The following MAPK10 variants were observed in gnomAD, a reference collection of about 807,000 sequenced individuals.
MAPK10 encodes the protein mitogen-activated protein kinase 10.
In MAPK10, 25 loss-of-function variants were observed where a neutral mutation model predicts 59.3. That is an observed-to-expected ratio of 0.42 (90% CI 0.31 to 0.59). The LOEUF (loss-of-function observed/expected upper bound fraction) is 0.59. MAPK10 is among the 20% of genes least tolerant of loss of function. The pLI is 0.15. For synonymous variants in MAPK10, 190 were observed against 200.5 expected (o/e 0.95, Z 0.44); for missense variants, 351 against 568.9 (o/e 0.62, Z 3.90).
At chr4:86,121,014 T>G (rs1191118610) in intron 4 of MAPK10, among the ~76,000 whole-genome samples, 1 of 152,248 alleles carries the variant, frequency 6.6e-6, no homozygotes, top group African/African-American at 2.4e-5. Context: ...TTTCTATTTC[T>G]TATATATTCT....
At chr4:86,283,324 A>G (rs935511824) in intron 2 of MAPK10, among the ~76,000 whole-genome samples, 3 of 152,216 alleles carry the variant, frequency 2.0e-5, no homozygotes, top group Non-Finnish European at 1.5e-5. Flanking sequence ...TGACACCAGA[A>G]GATTAAATAA....
chr4:86,175,445 T>C (rs2075462694), intron 3 of MAPK10, among the ~76,000 whole-genome samples: 1 of 152,076 alleles, frequency 6.6e-6, no homozygotes, highest in African/African-American at 2.4e-5. Context: ...TCCCCAGTGT[T>C]GGAGGTGGGG....
chr4:86,366,471 A>G (rs1007609190), intron 1 of MAPK10, among the ~76,000 whole-genome samples: 1 of 152,116 alleles, frequency 6.6e-6, no homozygotes, highest in African/African-American at 2.4e-5. Context: ...GAATGAGCCA[A>G]TAAGTTAGGG....
At chr4:86,201,305 C>T (rs2082565885) in intron 2 of MAPK10, among the ~76,000 whole-genome samples, 1 of 151,906 alleles carries the variant, frequency 6.6e-6, no homozygotes, top group Non-Finnish European at 1.5e-5. Flanking sequence ...GCTGCCAGAA[C>T]CATTTTCAAT....
At chr4:86,056,767 T>C (rs2044626641) in intron 11 of MAPK10, among the ~76,000 whole-genome samples, 1 of 149,600 alleles carries the variant, frequency 6.7e-6, no homozygotes, top group Admixed American at 6.6e-5. Context: ...ATCTTTAAAA[T>C]ATAAATTAAA....
intron 2 of MAPK10, among the ~76,000 whole-genome samples, chr4:86,221,819 C>G (rs1291940909): frequency 2.0e-5 from 3 of 152,108 alleles, no homozygotes; most frequent in African/African-American, 7.2e-5. Context: ...ATTGTAATCC[C>G]TAGTGTTGGA....
chr4:86,203,303 A>G (rs2083062363), intron 2 of MAPK10, among the ~76,000 whole-genome samples: 1 of 151,936 alleles, frequency 6.6e-6, no homozygotes, highest in Admixed American at 6.6e-5. Context: ...TTAAGAATTT[A>G]TTAGGCTGAA....
At chr4:86,493,727 A>G (rs529804483) in intron 1 of MAPK10, among the ~76,000 whole-genome samples, 1 of 152,292 alleles carries the variant, frequency 6.6e-6, no homozygotes, top group Non-Finnish European at 1.5e-5. Flanking sequence ...AATGGTTGCT[A>G]TGGTTGATGA....
chr4:86,169,932 T>G (rs1003040331), intron 3 of MAPK10, among the ~76,000 whole-genome samples: 1 of 152,088 alleles, frequency 6.6e-6, no homozygotes, highest in Non-Finnish European at 1.5e-5. Flanking sequence ...AGAAAAGAAT[T>G]TCAACCCAGA....
intron 1 of MAPK10, among the ~76,000 whole-genome samples, chr4:86,499,317 G>A (rs1392253676): frequency 6.6e-6 from 1 of 152,136 alleles, no homozygotes; most frequent in East Asian, 1.9e-4. Flanking sequence ...CCCTGGACCT[G>A]CCTAACTTTA....
chr4:86,020,930 G>A (rs1746316592), intron 13 of MAPK10: 2 of 152,274 alleles, frequency 1.3e-5, no homozygotes, highest in African/African-American at 4.8e-5. Context: ...TGCCAATGCT[G>A]GCTCGGGCAG....
intron 11 of MAPK10, among the ~76,000 whole-genome samples, chr4:86,043,174 G>T (rs1395517491): frequency 6.6e-6 from 1 of 152,136 alleles, no homozygotes. Context: ...AATTAAGGCT[G>T]TGGTGGAAGA....
chr4:86,081,690 A>T (rs1313703879), intron 9 of MAPK10: 1 of 152,244 alleles, frequency 6.6e-6, no homozygotes. Flanking sequence ...CAAATTTAAA[A>T]ATAAATATGA....
At chr4:86,371,945 A>T (rs1247478906) in intron 1 of MAPK10, among the ~76,000 whole-genome samples, 1 of 152,090 alleles carries the variant, frequency 6.6e-6, no homozygotes, top group East Asian at 1.9e-4. Flanking sequence ...AGACTTTAAC[A>T]CCCCACTGTC....
intron 2 of MAPK10, among the ~76,000 whole-genome samples, chr4:86,288,862 A>G (rs1182237145): frequency 2.0e-5 from 3 of 152,082 alleles, no homozygotes; most frequent in Admixed American, 2.0e-4. Flanking sequence ...AATAATTATC[A>G]AGAACTTGAT....
At chr4:86,057,984 C>T (rs1235542300) in intron 11 of MAPK10, among the ~76,000 whole-genome samples, 1 of 149,600 alleles carries the variant, frequency 6.7e-6, no homozygotes, top group Non-Finnish European at 1.5e-5. Flanking sequence ...AGCCCTACAA[C>T]CAACAATCGA....
intron 2 of MAPK10, among the ~76,000 whole-genome samples, chr4:86,321,636 A>G (rs941250136): frequency 6.6e-6 from 1 of 150,700 alleles, no homozygotes; most frequent in Non-Finnish European, 1.5e-5. Flanking sequence ...CCTAATGCTA[A>G]ATGACGAGTT....
intron 2 of MAPK10, among the ~76,000 whole-genome samples, chr4:86,334,233 C>T (rs1564474939): frequency 6.6e-6 from 1 of 152,158 alleles, no homozygotes; most frequent in Non-Finnish European, 1.5e-5. Flanking sequence ...TGTCATTCCC[C>T]TCATCTTCCA....
intron 1 of MAPK10, among the ~76,000 whole-genome samples, chr4:86,545,341 C>G (rs1002218940): frequency 2.6e-5 from 4 of 152,038 alleles, no homozygotes; most frequent in African/African-American, 9.7e-5. Flanking sequence ...TCATCCGTGG[C>G]GGGGAGAGGA....
Sources: gnomAD v4.1 joint callset for allele counts (sites outside exome capture counted in the v4.1 genomes callset) on GRCh38, gnomAD v4.1.1 for gene constraint, MANE v1.5 for transcripts, NCBI Gene and HGNC (gene_info 2026-07-23, HGNC 2026-07-21) for gene names.